GRID2: variants seen among roughly 807,000 people sequenced by gnomAD.
GRID2 encodes the protein glutamate receptor ionotropic, delta-2.
In GRID2, 33 loss-of-function variants were observed where a neutral mutation model predicts 114.8. The ratio of observed to expected loss-of-function variants is 0.29; its 90% CI spans 0.22 to 0.38. The LOEUF is 0.38. Among genes scored for constraint, GRID2 ranks in the 10% least tolerant of loss-of-function variants. The probability of loss-of-function intolerance (pLI) is 1.00; values close to 1 mark genes in which losing one functional copy is unlikely to be tolerated. For synonymous variants in GRID2, 505 were observed against 449.9 expected (o/e 1.12, Z -1.55); for missense variants, 1,184 against 1,257.7 (o/e 0.94, Z 0.89).
chr4:93,650,855 C>A (rs1219174043), intron 14 of GRID2, among the ~76,000 whole-genome samples: 4 of 151,936 alleles, frequency 2.6e-5, no homozygotes, highest in African/African-American at 9.7e-5. Context: ...AGAAGGGGAA[C>A]AAACTGAAAG....
intron 8 of GRID2, among the ~76,000 whole-genome samples, chr4:93,384,604 C>T (rs1764148549): frequency 6.6e-6 from 1 of 152,044 alleles, no homozygotes; most frequent in Admixed American, 6.6e-5. Flanking sequence ...TCCTTGTACC[C>T]CGTAAAACCA....
chr4:93,745,162 T>A (rs1363190927), intron 14 of GRID2, among the ~76,000 whole-genome samples: 1 of 152,180 alleles, frequency 6.6e-6, no homozygotes. Flanking sequence ...GCTGTAATTG[T>A]TATTGCTGTC....
chr4:93,565,073 T>A (rs1735277708), intron 13 of GRID2, among the ~76,000 whole-genome samples: 1 of 152,072 alleles, frequency 6.6e-6, no homozygotes, highest in Non-Finnish European at 1.5e-5. Flanking sequence ...AACTGTCAAA[T>A]TAGCTTAATT....
chr4:93,496,358 G>A (rs1013093277), intron 12 of GRID2, among the ~76,000 whole-genome samples: 4 of 151,674 alleles, frequency 2.6e-5, no homozygotes, highest in Admixed American at 2.6e-4. Context: ...TGCATATTAA[G>A]TGATTATACT....
intron 3 of GRID2, among the ~76,000 whole-genome samples, chr4:93,103,913 T>A (rs78449277): frequency 7.3e-6 from 1 of 137,354 alleles, no homozygotes; most frequent in Non-Finnish European, 1.6e-5. Context: ...AAAATCTTCA[T>A]TTTTTTTTTT....
chr4:92,635,229 C>A (rs932288929), intron 2 of GRID2, among the ~76,000 whole-genome samples: 1 of 152,156 alleles, frequency 6.6e-6, no homozygotes, highest in African/African-American at 2.4e-5. Flanking sequence ...GCAAGCAGCA[C>A]TTTGAGTTTG....
At chr4:92,581,198 C>T (rs1224421443) in intron 1 of GRID2, among the ~76,000 whole-genome samples, 1 of 137,874 alleles carries the variant, frequency 7.3e-6, no homozygotes, top group Non-Finnish European at 1.6e-5. Context: ...TCCCCCCACC[C>T]TTTTTTTTTT....
intron 1 of GRID2, among the ~76,000 whole-genome samples, chr4:92,313,682 A>T (rs991081938): frequency 2.0e-5 from 3 of 152,058 alleles, no homozygotes; most frequent in Admixed American, 2.0e-4. Context: ...TCTGGAAGCC[A>T]TGTGAGAAAA....
chr4:92,707,061 C>T (rs1331934864), intron 2 of GRID2, among the ~76,000 whole-genome samples: 1 of 152,050 alleles, frequency 6.6e-6, no homozygotes, highest in African/African-American at 2.4e-5. Context: ...AATTACTTTC[C>T]TCTTAATTCT....
intron 2 of GRID2, among the ~76,000 whole-genome samples, chr4:93,025,089 G>A (rs957140673): frequency 6.6e-6 from 1 of 151,354 alleles, no homozygotes; most frequent in Non-Finnish European, 1.5e-5. Flanking sequence ...AAGAATGAAG[G>A]AAGATAGAAA....
chr4:93,696,381 T>G (rs1241152939), intron 14 of GRID2, among the ~76,000 whole-genome samples: 3 of 152,202 alleles, frequency 2.0e-5, no homozygotes, highest in Admixed American at 1.3e-4. Context: ...AACTTATCTC[T>G]GCAAAAATAA....
intron 2 of GRID2, among the ~76,000 whole-genome samples, chr4:92,701,631 A>G (rs963400225): frequency 4.6e-5 from 7 of 152,184 alleles, no homozygotes; most frequent in African/African-American, 1.7e-4. Context: ...GACAAATGAA[A>G]CAAGTTTGTC....
chr4:93,047,887 A>C (rs984053876), intron 2 of GRID2, among the ~76,000 whole-genome samples: 1 of 151,990 alleles, frequency 6.6e-6, no homozygotes, highest in African/African-American at 2.4e-5. Flanking sequence ...AACAAACAAA[A>C]AAAACACTCA....
chr4:92,750,296 C>G (rs1362990349), intron 2 of GRID2, among the ~76,000 whole-genome samples: 2 of 152,214 alleles, frequency 1.3e-5, no homozygotes, highest in Non-Finnish European at 2.9e-5. Context: ...AATACTTCCT[C>G]CAAACAGGTC....
At chr4:92,634,859 CAGAGAGAGAGAGAGAGAGAA>C (rs1263615521) in intron 2 of GRID2, among the ~76,000 whole-genome samples, 1 of 143,124 alleles carries the variant, frequency 7.0e-6, no homozygotes, top group African/African-American at 2.5e-5. Flanking sequence ...TGCAGAGAGA[CAGAGAGAGAGAGAGAGAGAA>C]AGAGAGAGAG....
Position 92,887,251 on chromosome 4 carries a change from C to T in GRID2, c.245-197744C>T, listed in dbSNP as rs184552533. Among the ~76,000 whole-genome samples the T allele has an allele frequency of 5.3e-4, 80 of 152,322 alleles. 1 individual carries two copies. The highest frequency in any genetic ancestry group is 5.2e-3 in the Admixed American group (79 of 15,304). On this transcript the variant is annotated intron_variant, in intron 2 of 15. Coordinates refer to ENST00000282020, the MANE Select transcript of GRID2 (RefSeq NM_001510.4). The stretch of plus-strand genomic sequence containing the variant: ...GATGGCTCAGTATCCTTACATAGGA[C>T]ACCCAGAGGGTGCCCCAACTCAGCG...
chr4:92,414,010 T>C lies in GRID2; in HGVS notation c.88+109266T>C, dbSNP rs116260062. On this transcript the variant is annotated intron_variant, in intron 1 of 15. Coordinates refer to ENST00000282020, the MANE Select transcript of GRID2 (RefSeq NM_001510.4). ...TAACATAAAAGAACAAAAGGAAATA[T>C]TGAAAATAACAAAATGGGAATAATA... is the stretch of plus-strand genomic sequence containing the variant. 7.4e-3 allele frequency among the ~76,000 whole-genome samples: 1,125 copies of C among 152,162 alleles called. 18 individuals carry two copies. The highest frequency in any genetic ancestry group is 0.026 in the African/African-American group (1,071 of 41,514).
intron 13 of GRID2, among the ~76,000 whole-genome samples, chr4:93,583,981 G>C (rs1002730012): frequency 1.3e-5 from 2 of 152,148 alleles, no homozygotes; most frequent in African/African-American, 4.8e-5. Flanking sequence ...ACAGGAAGCA[G>C]ATGGAAAATG....
chr4:93,214,780 T>C (rs1743990142), intron 5 of GRID2, among the ~76,000 whole-genome samples: 1 of 152,086 alleles, frequency 6.6e-6, no homozygotes, highest in Non-Finnish European at 1.5e-5. Flanking sequence ...ATTTGGCTCA[T>C]GATAGATGAC....
Sources: gnomAD v4.1 joint callset for allele counts (sites outside exome capture counted in the v4.1 genomes callset) on GRCh38, gnomAD v4.1.1 for gene constraint, MANE v1.5 for transcripts, NCBI Gene and HGNC (gene_info 2026-07-23, HGNC 2026-07-21) for gene names.